The following PRH1 variants were observed in gnomAD, a reference collection of about 807,000 sequenced individuals.
PRH1 encodes the protein salivary acidic proline-rich phosphoprotein 1/2.
PRH1 carries 7 observed loss-of-function variants against 7.9 expected under a neutral mutation model. That is an observed-to-expected ratio of 0.89 (90% confidence interval 0.50 to 1.67). The LOEUF is 1.67. PRH1 is among the 40% of genes most tolerant of loss of function. The pLI is 0.00. For synonymous variants in PRH1, 45 were observed against 80.8 expected, an observed-to-expected ratio of 0.56 and a Z score of 2.38; for missense variants, 109 against 223.6, an observed-to-expected ratio of 0.49 and a Z score of 3.27.
intron 1 of PRH1, among the ~76,000 whole-genome samples, chr12:10,983,163 G>C (rs1452037526): frequency 6.6e-6 from 1 of 152,146 alleles, no homozygotes; most frequent in Admixed American, 6.5e-5. Flanking sequence ...CCATAGGAGT[G>C]GGGAGAGCAA....
At chr12:10,997,085 C>T in intron 1 of PRH1, 1 of 1,613,998 alleles carries the variant, frequency 6.2e-7, no homozygotes, top group Non-Finnish European at 8.5e-7. Context: ...AAAAGCTTGG[C>T]AAAGCATTAA....
intron 2 of PRH1, among the ~76,000 whole-genome samples, chr12:10,969,654 T>C (rs1282944927): frequency 6.8e-6 from 1 of 146,932 alleles, no homozygotes; most frequent in Admixed American, 6.6e-5. Context: ...TTTGTTTTTT[T>C]GCATTTTCAT....
At chr12:11,086,013 C>G (rs1457084523) in intron 1 of PRH1, among the ~76,000 whole-genome samples, 3 of 133,882 alleles carry the variant, frequency 2.2e-5, no homozygotes, top group African/African-American at 8.0e-5. Context: ...CTTTGGAAGC[C>G]CAGGAAGGCC....
chr12:11,151,939 ATT>A (rs112805039), intron 1 of PRH1, among the ~76,000 whole-genome samples: 1 of 150,268 alleles, frequency 6.7e-6, no homozygotes. Context: ...GGTATGTCAT[ATT>A]TTTTTTTTCA....
intron 1 of PRH1, among the ~76,000 whole-genome samples, chr12:11,160,276 T>A (rs1049494152): frequency 2.0e-5 from 3 of 152,228 alleles, no homozygotes; most frequent in African/African-American, 4.8e-5. Context: ...AAATTATTCA[T>A]AATTCAAGAA....
intron 1 of PRH1, among the ~76,000 whole-genome samples, chr12:11,076,025 ATG>A (rs1944276218): frequency 8.5e-6 from 1 of 117,018 alleles, no homozygotes; most frequent in Admixed American, 8.5e-5. Context: ...GATAAATAAA[ATG>A]TGTGTGTATA....
chr12:11,022,601 G>A (rs769349829), intron 1 of PRH1: 2 of 1,507,556 alleles, frequency 1.3e-6, no homozygotes, highest in African/African-American at 1.4e-5. Context: ...TGCAGGCTTA[G>A]TAACACTTGT....
At chr12:10,961,240 C>T (rs1246041853) in intron 2 of PRH1, among the ~76,000 whole-genome samples, 6 of 143,672 alleles carry the variant, frequency 4.2e-5, no homozygotes. Context: ...AGAGGAGTGC[C>T]CTCTGTCTCA....
At chr12:11,121,962 G>C (rs938805990) in intron 1 of PRH1, among the ~76,000 whole-genome samples, 7 of 152,128 alleles carry the variant, frequency 4.6e-5, no homozygotes, top group Middle Eastern at 3.4e-3. Flanking sequence ...TATAAATAGA[G>C]ATAATTCTTC....
chr12:11,017,787 C>G (rs1002415789), intron 1 of PRH1, among the ~76,000 whole-genome samples: 1 of 151,996 alleles, frequency 6.6e-6, no homozygotes, highest in South Asian at 2.1e-4. Flanking sequence ...ACCACCATGC[C>G]GAGCAGAAAC....
chr12:11,144,679 C>T (rs1946811456), intron 1 of PRH1, among the ~76,000 whole-genome samples: 1 of 152,182 alleles, frequency 6.6e-6, no homozygotes, highest in African/African-American at 2.4e-5. Flanking sequence ...GGGTTTTACC[C>T]CCTGCTCCTC....
intron 1 of PRH1, among the ~76,000 whole-genome samples, chr12:11,121,611 C>A (rs958021881): frequency 2.0e-5 from 3 of 152,006 alleles, no homozygotes; most frequent in African/African-American, 7.3e-5. Flanking sequence ...TTTCTTCATT[C>A]CTATTATACA....
Position 11,090,554 on chromosome 12 carries a change from G to A in PRH1, n.124-43366C>T, listed in dbSNP as rs1313711357. Among the ~76,000 whole-genome samples, 34 of 96,884 alleles carry A rather than the reference G, an allele frequency of 3.5e-4. 10 individuals carry two copies. Among genetic ancestry groups the A allele is most frequent in the African/African-American group, 1.1e-3 (34 of 30,438 alleles). The allele number at this position is 96,884 out of a possible 152,430, so 63.6% of individuals were successfully genotyped here. On this transcript the variant is annotated intron_variant and non_coding_transcript_variant, in intron 1 of 4. Coordinates refer to the PRH1 transcript ENST00000541977. Reference sequence around the variant, plus strand: ...TACCAATCAAGATCATGATCATGATGTTTCATCCCTTTATTAGAGAAGGAA... The same window carrying A: ...TACCAATCAAGATCATGATCATGATATTTCATCCCTTTATTAGAGAAGGAA...
intron 2 of PRH1, chr12:10,931,267 A>G: frequency 7.8e-7 from 1 of 1,279,114 alleles, no homozygotes; most frequent in Non-Finnish European, 1.1e-6. Context: ...CTTGAAGGCA[A>G]TTCCAATTTT....
Position 11,063,017 on chromosome 12 carries a change from T to C in PRH1, n.124-15829A>G, listed in dbSNP as rs189199057. ...ATCAGTTCCAAAATAAAAAAAGGAGTTTCCAGGAGGTTGTCTAGGTGAAGT... is the reference window on the plus strand; with the variant it reads ...ATCAGTTCCAAAATAAAAAAAGGAGCTTCCAGGAGGTTGTCTAGGTGAAGT... On this transcript the variant is annotated intron_variant and non_coding_transcript_variant, in intron 1 of 4. Transcript: ENST00000541977. 2.8e-3 allele frequency among the ~76,000 whole-genome samples: 429 copies of C among 151,776 alleles called. 5 individuals are homozygous for C. Among genetic ancestry groups the C allele is most frequent in the African/African-American group, 9.7e-3 (403 of 41,398 alleles).
chr12:11,105,508 T>C (rs1442460736), intron 1 of PRH1, among the ~76,000 whole-genome samples: 1 of 152,214 alleles, frequency 6.6e-6, no homozygotes, highest in Non-Finnish European at 1.5e-5. Flanking sequence ...GAAAACATGA[T>C]GATTTCCAAA....
chr12:11,077,492 T>G lies in PRH1; in HGVS notation n.124-30304A>C. The G allele has an allele frequency of 5.0e-6, 5 of 1,004,814 alleles. 1 individual carries two copies. Among genetic ancestry groups the G allele is most frequent in the Non-Finnish European group, 7.2e-6 (5 of 696,958 alleles). The allele number at this position is 1,004,814 out of a possible 1,614,324, so 62.2% of individuals were successfully genotyped here. A position where few individuals can be genotyped will look rare whatever the true frequency, so the allele number is the denominator to read the frequency against. On this transcript the variant is annotated intron_variant and non_coding_transcript_variant, in intron 1 of 4. Transcript: ENST00000541977. ...AGTTTGTTCTGCTGTGTTCAAAGAT[T>G]CCAGGTTAATGTGATTAGATACAGA...
intron 1 of PRH1, among the ~76,000 whole-genome samples, chr12:11,111,098 G>A (rs556277782): frequency 5.9e-5 from 9 of 152,288 alleles, no homozygotes; most frequent in African/African-American, 2.2e-4. Context: ...AACAAGAAGA[G>A]CTAACTATCC....
chr12:10,981,864 A>ATTT (rs3033036), intron 1 of PRH1, among the ~76,000 whole-genome samples: 61,855 of 141,254 alleles, frequency 0.44, 14,060 homozygotes, highest in Non-Finnish European at 0.51. Context: ...CAAACAACTA[A>ATTT]TTTTTTTTTT....
Sources: gnomAD v4.1 joint callset for allele counts (sites outside exome capture counted in the v4.1 genomes callset) on GRCh38, gnomAD v4.1.1 for gene constraint, MANE v1.5 for transcripts, NCBI Gene and HGNC (gene_info 2026-07-23, HGNC 2026-07-21) for gene names.